Variants in ZNF358 observed in about 807,000 individuals in gnomAD.
ZNF358 encodes zinc finger protein 358.
Under a neutral mutation model 2.1 loss-of-function variants are expected in ZNF358, and 1 was observed. That is an observed-to-expected ratio of 0.49 (90% confidence interval 0.17 to 2.30). The LOEUF (loss-of-function observed/expected upper bound fraction) is 2.30. ZNF358 is among the 30% of genes most tolerant of loss of function. ZNF358 has a pLI of 0.26. For missense variants in ZNF358, 665 were observed against 806.8 expected (o/e 0.82, Z 2.13); for synonymous variants, 381 against 359.7 (o/e 1.06, Z -0.67).
Position 7,520,019 on chromosome 19 carries a change from C to T in ZNF358, c.777C>T (p.Gly259=). ...LLAQHLRTHG[G]PRPHKCPVCA... The stretch of plus-strand genomic sequence containing the variant: ...CACAGCACCTGCGCACGCACGGCGG[C>T]CCGCGGCCCCACAAGTGCCCGGTGT... The change falls in exon 2 of 2, where the codon GGC becomes GGT. Residue 259 remains glycine, a synonymous_variant. Coordinates refer to ENST00000597229, the MANE Select transcript of ZNF358 (RefSeq NM_018083.5). The surrounding 1 kb of genome is among the most constrained non-coding windows in gnomAD (Gnocchi z 6.0). 6.5e-7 allele frequency: 1 copy of T among 1,531,218 alleles called. No individual in the cohort carries two copies. The highest frequency in any genetic ancestry group is 8.7e-7 in the Non-Finnish European group (1 of 1,145,444). The allele number at this position is 1,531,218 out of a possible 1,614,324, so 94.9% of individuals were successfully genotyped here.
chr19:7,519,418 C>T lies in ZNF358; in HGVS notation c.176C>T (p.Pro59Leu). The change falls in exon 2 of 2, where the codon CCC becomes CTC. Residue 59 changes from proline (P) to leucine (L), a missense_variant. This residue lies in a region of ZNF358 where 206 missense variants were observed against 228.4 expected (regional missense o/e 0.90). Coordinates refer to ENST00000597229, the MANE Select transcript of ZNF358 (RefSeq NM_018083.5). The part of the protein sequence containing the change: ...DLNTVPEDVD[P>L]SYEDLEPVSE... ...AACACTGTCCCGGAAGACGTGGACCCCAGCTATGAAGATCTGGAGCCCGTC... is the reference window on the plus strand; with the variant it reads ...AACACTGTCCCGGAAGACGTGGACCTCAGCTATGAAGATCTGGAGCCCGTC... The T allele has an allele frequency of 6.2e-7, 1 of 1,614,096 alleles. No individual in the cohort carries two copies. Among genetic ancestry groups the T allele is most frequent in the African/African-American group, 1.3e-5 (1 of 75,010 alleles).
In ZNF358 at chr19:7,519,735, G is replaced by A. The variant is rs1215440388; in HGVS notation, c.493G>A (p.Gly165Arg). The change falls in exon 2 of 2, where the codon GGG becomes AGG. Residue 165 changes from glycine to arginine, a missense_variant. Physicochemically the swap from Gly to Arg is moderately radical, Grantham distance 125 (BLOSUM62 -2). This residue lies in a region of ZNF358 where 206 missense variants were observed against 228.4 expected (regional missense o/e 0.90). Transcript: ENST00000597229. ...DCGRAFRRSS[G>R]LSQHRRTHSG... ...CGGGCGAGCCTTCCGCCGCAGCTCC[G>A]GGCTGAGCCAGCATCGCCGCACGCA... is the stretch of plus-strand genomic sequence containing the variant. 9.0e-6 allele frequency: 14 copies of A among 1,554,802 alleles called. No homozygotes were observed. The highest frequency in any genetic ancestry group is 1.1e-5 in the Non-Finnish European group (13 of 1,158,150).
upstream of ZNF358, chr19:7,513,943 G>C (rs1268217662): frequency 6.6e-6 from 1 of 152,058 alleles, no homozygotes; most frequent in Non-Finnish European, 1.5e-5. Context: ...ACTAAAACCA[G>C]CTCAAACACC....
At chr19:7,517,841 G>T (rs2022365682) in intron 1 of ZNF358, among the ~76,000 whole-genome samples, 2 of 152,046 alleles carry the variant, frequency 1.3e-5, no homozygotes, top group South Asian at 4.1e-4. Context: ...ACTTGGGAGG[G>T]ATACCTGATG....
At position 7,520,409 on chromosome 19, in the gene ZNF358, C is replaced by T. The variant is rs1467595422; in HGVS notation, c.1167C>T (p.Ser389=). The T allele has an allele frequency of 6.2e-7, 1 of 1,611,694 alleles. No individual in the cohort carries two copies. The highest frequency in any genetic ancestry group is 8.5e-7 in the Non-Finnish European group (1 of 1,179,522). ...LCGKAFGQAS[S]LTKHKRVHEG... The stretch of plus-strand genomic sequence containing the variant: ...GGAAGGCCTTCGGCCAGGCCTCCAG[C>T]CTCACCAAGCACAAACGGGTGCATG... Residue 389 remains serine, a synonymous_variant, in exon 2 of 2, where the codon AGC becomes AGT. Coordinates refer to ENST00000597229, the MANE Select transcript of ZNF358 (RefSeq NM_018083.5). The surrounding 1 kb of genome is among the most constrained non-coding windows in gnomAD (Gnocchi z 6.0).
rs761174418 is a variant in ZNF358, at chr19:7,520,751, T to G, written c.1509T>G (p.Gly503=). The change falls in exon 2 of 2, where the codon GGT becomes GGG. Residue 503 remains glycine, a synonymous_variant. Transcript: ENST00000597229. The surrounding 1 kb of genome is among the most constrained non-coding windows in gnomAD (Gnocchi z 6.0). Reference sequence around the variant, plus strand: ...ACCCAAAGGCTGGGCACGACGCTGGTCCCGACCTTGTGCCCAGCCCAGACC... The same window carrying G: ...ACCCAAAGGCTGGGCACGACGCTGGGCCCGACCTTGTGCCCAGCCCAGACC... ...SSDPKAGHDA[G]PDLVPSPDLD... is the part of the protein sequence containing the mutation. 2 of 1,613,862 alleles carry G rather than the reference T, an allele frequency of 1.2e-6. No individual in the cohort carries two copies. The highest frequency in any genetic ancestry group is 1.3e-5 in the African/African-American group (1 of 74,856).
intron 1 of ZNF358, among the ~76,000 whole-genome samples, chr19:7,518,539 G>GA (rs981394940): frequency 4.7e-4 from 50 of 106,128 alleles, no homozygotes; most frequent in African/African-American, 1.6e-3. Context: ...AGGAAAGAAA[G>GA]AAAGAAAGAG....
At chr19:7,519,064 CAAA>C (rs397859220) in intron 1 of ZNF358, 138 bp from the exon 2 acceptor site, 28,656 of 562,100 alleles carry the variant, frequency 0.051, 3 homozygotes, top group South Asian at 0.076. Context: ...GACCCCATCT[CAAA>C]AAAAAAAAAA....
At chr19:7,517,699 T>C (rs1436248742) in intron 1 of ZNF358, among the ~76,000 whole-genome samples, 1 of 152,120 alleles carries the variant, frequency 6.6e-6, no homozygotes, top group Non-Finnish European at 1.5e-5. Context: ...TATCTGGCTG[T>C]AGGAAAGGGC....
chr19:7,519,024 C>CT (rs1379929638), intron 1 of ZNF358, among the ~76,000 whole-genome samples, 181 bp from the exon 2 acceptor site: 16 of 143,928 alleles, frequency 1.1e-4, no homozygotes, highest in African/African-American at 4.2e-4. Context: ...GAGATGGTAC[C>CT]TTTGCACTCC....
At chr19:7,517,108 T>C (rs2022354344) in intron 1 of ZNF358, among the ~76,000 whole-genome samples, 1 of 152,176 alleles carries the variant, frequency 6.6e-6, no homozygotes, top group South Asian at 2.1e-4. Flanking sequence ...TCATTCATTG[T>C]TGACACCTCA....
chr19:7,518,675 A>G (rs1413095765), intron 1 of ZNF358, among the ~76,000 whole-genome samples: 1 of 152,142 alleles, frequency 6.6e-6, no homozygotes, highest in Non-Finnish European at 1.5e-5. Context: ...GGATCGCTTG[A>G]GCCCGGGAGT....
chr19:7,518,453 GAGAC>G (rs1239158671), intron 1 of ZNF358, among the ~76,000 whole-genome samples: 1 of 149,770 alleles, frequency 6.7e-6, no homozygotes, highest in Non-Finnish European at 1.5e-5. Flanking sequence ...TCAAAAAAGA[GAGAC>G]AGAGGGAGAG....
chr19:7,520,685 C>G lies in ZNF358; in HGVS notation c.1443C>G (p.Gly481=), dbSNP rs1429793611. ...ATCCCAGCTCCAAACCCCTCCCCGGCTCCAGATCCACCCCCAGCCCTACTC... is the reference window on the plus strand; with the variant it reads ...ATCCCAGCTCCAAACCCCTCCCCGGGTCCAGATCCACCCCCAGCCCTACTC... The part of the protein sequence containing the change: ...LPDPSSKPLP[G]SRSTPSPTPV... The change falls in exon 2 of 2, where the codon GGC becomes GGG. Residue 481 remains glycine, a synonymous_variant. Coordinates refer to ENST00000597229, the MANE Select transcript of ZNF358 (RefSeq NM_018083.5). This position sits in a 1 kb window ranked among gnomAD's most constrained non-coding sequence, Gnocchi z 6.0. 1 of 1,613,266 alleles carries G rather than the reference C, an allele frequency of 6.2e-7. No homozygotes were observed. Among genetic ancestry groups the G allele is most frequent in the Non-Finnish European group, 8.5e-7 (1 of 1,179,664 alleles).
chr19:7,520,047 G>A lies in ZNF358; in HGVS notation c.805G>A (p.Ala269Thr), dbSNP rs372933332. The change falls in exon 2 of 2, where the codon GCC becomes ACC. Residue 269 changes from alanine (A) to threonine (T), a missense_variant. Coordinates refer to ENST00000597229, the MANE Select transcript of ZNF358 (RefSeq NM_018083.5). The surrounding 1 kb of genome is among the most constrained non-coding windows in gnomAD (Gnocchi z 6.0). ...GPRPHKCPVC[A>T]KGFGQGSALL... Reference sequence around the variant, plus strand: ...GCGGCCCCACAAGTGCCCGGTGTGCGCCAAGGGCTTCGGCCAGGGCTCTGC... The same window carrying A: ...GCGGCCCCACAAGTGCCCGGTGTGCACCAAGGGCTTCGGCCAGGGCTCTGC... 2.6e-4 allele frequency: 399 copies of A among 1,554,688 alleles called. 1 individual carries two copies. In the South Asian group the frequency reaches 4.2e-3, roughly 16 times the overall value.
Position 7,520,331 on chromosome 19 carries a change from C to G in ZNF358, c.1089C>G (p.Leu363=), listed in dbSNP as rs770876409. The G allele has an allele frequency of 1.2e-6, 2 of 1,612,148 alleles. No homozygotes were observed. Among genetic ancestry groups the G allele is most frequent in the Non-Finnish European group, 1.7e-6 (2 of 1,179,674 alleles). The change falls in exon 2 of 2, where the codon CTC becomes CTG. Residue 363 remains leucine (L), a synonymous_variant. Coordinates refer to ENST00000597229, the MANE Select transcript of ZNF358 (RefSeq NM_018083.5). This position sits in a 1 kb window ranked among gnomAD's most constrained non-coding sequence, Gnocchi z 6.0. ...SKAFGQSSAL[L]QHLHVHSGER... The stretch of plus-strand genomic sequence containing the variant: ...CCTTCGGCCAGAGCTCAGCGCTGCT[C>G]CAGCACCTGCACGTGCATTCGGGCG...
intron 1 of ZNF358, among the ~76,000 whole-genome samples, chr19:7,518,721 T>G (rs536637538): frequency 6.6e-6 from 1 of 152,124 alleles, no homozygotes; most frequent in Admixed American, 6.6e-5. Flanking sequence ...ATCACATCAC[T>G]GCACTCTAGC....
At chr19:7,515,459 G>T (rs1404300781), upstream of ZNF358, 1 of 152,238 alleles carries the variant, frequency 6.6e-6, no homozygotes, top group Non-Finnish European at 1.5e-5. Flanking sequence ...TGCCTTGGCG[G>T]GTGTTACCCA....
Position 7,520,497 on chromosome 19 carries a change from G to T in ZNF358, c.1255G>T (p.Gly419Cys), listed in dbSNP as rs1354654769. The stretch of plus-strand genomic sequence containing the variant: ...AGCTGCAGCAGCGGCCGCCGGCCTG[G>T]GCCTCGGGCCTGGCCTAAGCCCTGC... ...AAAAAAAAGLGLGPGLSPASM... is the reference protein window; with the variant it reads ...AAAAAAAAGLCLGPGLSPASM... Residue 419 changes from glycine to cysteine, a missense_variant, in exon 2 of 2, where the codon GGC (glycine) becomes TGC (cysteine). This residue lies in a region of ZNF358 where 249 missense variants were observed against 227.6 expected (regional missense o/e 1.09). Transcript: ENST00000597229. This position sits in a 1 kb window ranked among gnomAD's most constrained non-coding sequence, Gnocchi z 6.0. 2 of 1,259,788 alleles carry T rather than the reference G, an allele frequency of 1.6e-6. No homozygotes were observed. Among genetic ancestry groups the T allele is most frequent in the African/African-American group, 1.6e-5 (1 of 63,682 alleles). The allele number at this position is 1,259,788 out of a possible 1,614,324, so 78.0% of individuals were successfully genotyped here.
Sources: allele counts gnomAD v4.1 joint callset (sites outside exome capture counted in the v4.1 genomes callset), GRCh38; gene constraint gnomAD v4.1.1; regional missense constraint gnomAD v4.1.1; non-coding constraint Gnocchi (gnomAD v3.1); transcripts MANE v1.5; gene names NCBI Gene and HGNC (gene_info 2026-07-23, HGNC 2026-07-21).